The following CABIN1 variants were observed in gnomAD, a reference collection of about 807,000 sequenced individuals.
The protein encoded by CABIN1 is calcineurin binding protein 1.
A neutral mutation model predicts 227.7 loss-of-function variants in CABIN1; 133 were observed. The ratio of observed to expected loss-of-function variants is 0.58; its 90% CI spans 0.51 to 0.67. The LOEUF (loss-of-function observed/expected upper bound fraction) is 0.67. CABIN1 is among the 30% of genes least tolerant of loss of function. The pLI, the probability that CABIN1 is intolerant of heterozygous loss-of-function variation, is 0.00. For synonymous variants in CABIN1, 1,086 were observed against 1,155.1 expected (o/e 0.94, Z 1.21); for missense variants, 2,408 against 2,852.5 (o/e 0.84, Z 3.55).
intron 1 of CABIN1, among the ~76,000 whole-genome samples, chr22:24,014,859 G>C (rs1320698986): frequency 6.6e-6 from 1 of 152,042 alleles, no homozygotes; most frequent in South Asian, 2.1e-4. Context: ...GGATTATCTC[G>C]TGTTTCTTTC....
Position 24,178,314 on chromosome 22 carries a change from C to A in CABIN1, c.*118C>A. 1 of 1,276,260 alleles carries A rather than the reference C, an allele frequency of 7.8e-7. No homozygotes were observed. Among genetic ancestry groups the A allele is most frequent in the Non-Finnish European group, 1.1e-6 (1 of 917,744 alleles). The allele number at this position is 1,276,260 out of a possible 1,614,324, so 79.1% of individuals were successfully genotyped here. ...ATGGATGCCACTCCCCACACAGCCC[C>A]CAGGCCTGCCCAGCCCACCTCCTCA... On this transcript the variant is annotated 3_prime_UTR_variant, in exon 37 of 37. Coordinates refer to ENST00000263119, the MANE Select transcript of CABIN1 (RefSeq NM_012295.4).
At chr22:24,158,836 C>T (rs1329873191) in intron 29 of CABIN1, among the ~76,000 whole-genome samples, 3 of 152,204 alleles carry the variant, frequency 2.0e-5, no homozygotes, top group African/African-American at 7.2e-5. Flanking sequence ...GTGGCATAAA[C>T]TCTCCAATGC....
chr22:24,062,700 T>C (rs575262811), intron 13 of CABIN1, among the ~76,000 whole-genome samples: 4 of 152,280 alleles, frequency 2.6e-5, no homozygotes, highest in East Asian at 3.9e-4. Context: ...AATGTAGATA[T>C]ACTCAATGCT....
intron 28 of CABIN1, among the ~76,000 whole-genome samples, chr22:24,131,103 T>A (rs2044048036): frequency 6.6e-6 from 1 of 152,176 alleles, no homozygotes; most frequent in Non-Finnish European, 1.5e-5. Flanking sequence ...TGTGACTCCA[T>A]CCTGGCCTCT....
chr22:24,049,304 A>G lies in CABIN1; in HGVS notation c.656+84A>G, dbSNP rs370169071. ...CAGGAGCACACCACATTCTCCCCTC[A>G]GGTCCCATGGATGGAGCCCCTGTGC... On this transcript the variant is annotated intron_variant, in intron 7 of 36. Coordinates refer to ENST00000263119, the MANE Select transcript of CABIN1 (RefSeq NM_012295.4). 6.5e-6 allele frequency: 10 copies of G among 1,527,958 alleles called. No individual in the cohort carries two copies. In the African/African-American group the frequency reaches 1.2e-4, roughly 19 times the overall value. 94.7% of individuals were successfully genotyped at this position (1,527,958 alleles called of 1,614,324 possible).
rs1029587468 is a variant in CABIN1, at chr22:24,015,291, A to T, written c.-75+3924A>T. ...TCTCCAAAAAAAAAAAAAAAAAAAA[A>T]AAAGAATAGTGTGTCTTGAAAATCA... is the stretch of plus-strand genomic sequence containing the variant. On this transcript the variant is annotated intron_variant, in intron 1 of 36. Transcript: ENST00000263119. 3.8e-4 allele frequency among the ~76,000 whole-genome samples: 58 copies of T among 150,914 alleles called. 1 individual carries two copies. Among genetic ancestry groups the T allele is most frequent in the African/African-American group, 1.4e-3 (57 of 41,324 alleles).
rs145864566 is a variant in CABIN1 at position 24,136,524 on chromosome 22, A to ATTTTTTTT, written c.4746+2126_4746+2133dup. ...ACTGCCACGCCCAGCTAATTTTTGT[A>ATTTTTTTT]TTTTTTTTTTTTTTTTTTTTTTTTA... On this transcript the variant is annotated intron_variant, in intron 29 of 36. Transcript: ENST00000263119. Among the ~76,000 whole-genome samples, 64 of 69,714 alleles carry ATTTTTTTT rather than the reference A, an allele frequency of 9.2e-4. 1 individual carries two copies. The highest frequency in any genetic ancestry group is 1.1e-3 in the Non-Finnish European group (40 of 36,662). The allele number at this position is 69,714 out of a possible 152,430, so 45.7% of individuals were successfully genotyped here.
At chr22:24,034,612 G>T (rs2036733551) in intron 1 of CABIN1, among the ~76,000 whole-genome samples, 2 of 152,084 alleles carry the variant, frequency 1.3e-5, no homozygotes. Flanking sequence ...TTTCTTTTGG[G>T]TAGATACACA....
At chr22:24,109,646 A>G (rs1602135071) in intron 26 of CABIN1, among the ~76,000 whole-genome samples, 1 of 152,216 alleles carries the variant, frequency 6.6e-6, no homozygotes, top group African/African-American at 2.4e-5. Flanking sequence ...GGGTTGGTGG[A>G]CCCTAGGGGA....
rs543263974 is a variant in CABIN1, at chr22:24,047,151, T to C, written c.527-1940T>C. 5.9e-5 allele frequency among the ~76,000 whole-genome samples: 9 copies of C among 152,296 alleles called. No individual in the cohort carries two copies. The South Asian group carries it at 6.2e-4, about 11-fold the overall frequency. On this transcript the variant is annotated intron_variant, in intron 6 of 36. Coordinates refer to ENST00000263119, the MANE Select transcript of CABIN1 (RefSeq NM_012295.4). ...GCTGTAGCCCAGTCAAATAGACACATACAATTAATCATAACAGGGACTGAA... is the reference window on the plus strand; with the variant it reads ...GCTGTAGCCCAGTCAAATAGACACACACAATTAATCATAACAGGGACTGAA...
At chr22:24,048,919 G>A (rs757245022) in intron 6 of CABIN1, among the ~76,000 whole-genome samples, 172 bp from the exon 7 acceptor site, 3 of 152,206 alleles carry the variant, frequency 2.0e-5, no homozygotes, top group Admixed American at 6.5e-5. Flanking sequence ...GCAGTGCCCA[G>A]TCTACTCTGG....
Position 24,113,547 on chromosome 22 carries a change from T to C in CABIN1, c.4118-19T>C. 1 of 1,613,064 alleles carries C rather than the reference T, an allele frequency of 6.2e-7. No homozygotes were observed. Among genetic ancestry groups the C allele is most frequent in the South Asian group, 1.1e-5 (1 of 91,066 alleles). On this transcript the variant is annotated intron_variant, in intron 26 of 36. Coordinates refer to ENST00000263119, the MANE Select transcript of CABIN1 (RefSeq NM_012295.4). Reference sequence around the variant, plus strand: ...TGTAGGTTAATGCTCTCGCCCTCTCTTCCTCCTTCTCCCCTCAGACCGAAG... The same window carrying C: ...TGTAGGTTAATGCTCTCGCCCTCTCCTCCTCCTTCTCCCCTCAGACCGAAG...
intron 29 of CABIN1, among the ~76,000 whole-genome samples, chr22:24,155,388 C>G (rs563343130): frequency 1.4e-4 from 22 of 152,270 alleles, no homozygotes; most frequent in African/African-American, 5.1e-4. Flanking sequence ...TCTTGGAATA[C>G]TGAAACTGGG....
intron 24 of CABIN1, among the ~76,000 whole-genome samples, chr22:24,092,687 AGTGTGTGTGTGT>A (rs3221282): frequency 6.8e-4 from 94 of 138,812 alleles, no homozygotes; most frequent in Middle Eastern, 3.5e-3. Flanking sequence ...TGATTATAAA[AGTGTGTGTGTGT>A]GTGTGTGTGT....
In CABIN1 at chr22:24,172,041, A is replaced by G. The variant is rs118030019; in HGVS notation, c.6040+46A>G. ...GAGCTGGGCCCAGGCCCCTGCCACCATCAAGTCCTCCCTGCGGGGAGAGTG... is the reference window on the plus strand; with the variant it reads ...GAGCTGGGCCCAGGCCCCTGCCACCGTCAAGTCCTCCCTGCGGGGAGAGTG... On this transcript the variant is annotated intron_variant, in intron 34 of 36. Transcript: ENST00000263119. 5,163 of 1,585,334 alleles carry G rather than the reference A, an allele frequency of 3.3e-3. 222 individuals are homozygous for G. The East Asian group carries it at 0.094, about 29-fold the overall frequency.
At chr22:24,135,104 A>G (rs1266552867) in intron 29 of CABIN1, among the ~76,000 whole-genome samples, 1 of 124,576 alleles carries the variant, frequency 8.0e-6, no homozygotes, top group Admixed American at 8.3e-5. Context: ...AAAAAAACAA[A>G]TGTGGCTTAG....
chr22:24,029,910 C>G (rs771598757), intron 1 of CABIN1, among the ~76,000 whole-genome samples: 36 of 152,162 alleles, frequency 2.4e-4, no homozygotes, highest in Non-Finnish European at 4.0e-4. Flanking sequence ...CAGCTTAAAA[C>G]TTGGGTTCTG....
intron 8 of CABIN1, among the ~76,000 whole-genome samples, chr22:24,052,370 G>A (rs999334977): frequency 1.4e-4 from 21 of 152,146 alleles, no homozygotes; most frequent in African/African-American, 2.9e-4. Flanking sequence ...CATCTATTCC[G>A]GGGGTCAGCA....
rs543090219 is a variant in CABIN1, at chr22:24,172,141, G to A, written c.6040+146G>A. The stretch of plus-strand genomic sequence containing the variant: ...ACAGGGTGGCGGGGCAGGTGACCGC[G>A]GGTCCACTCACCAGTCACTGGCAGC... On this transcript the variant is annotated intron_variant, in intron 34 of 36. Coordinates refer to ENST00000263119, the MANE Select transcript of CABIN1 (RefSeq NM_012295.4). The A allele has an allele frequency of 5.5e-5, 53 of 958,156 alleles. No individual in the cohort carries two copies. The South Asian group carries it at 5.6e-4, about 10-fold the overall frequency. 59.4% of individuals were successfully genotyped at this position (958,156 alleles called of 1,614,324 possible). A position where few individuals can be genotyped will look rare whatever the true frequency, so the allele number is the denominator to read the frequency against.
Sources: gnomAD v4.1 joint callset for allele counts (sites outside exome capture counted in the v4.1 genomes callset) on GRCh38, gnomAD v4.1.1 for gene constraint, MANE v1.5 for transcripts, NCBI Gene and HGNC (gene_info 2026-07-23, HGNC 2026-07-21) for gene names.